The following KIAA1217 variants were observed in gnomAD, a reference collection of about 807,000 sequenced individuals.
The protein encoded by KIAA1217 is KIAA1217.
KIAA1217 carries 88 observed loss-of-function variants against 163.9 expected under a neutral mutation model. That is an observed-to-expected ratio of 0.54 (90% CI 0.45 to 0.64). The LOEUF (loss-of-function observed/expected upper bound fraction) is 0.64. KIAA1217 is among the 30% of genes least tolerant of loss of function. The probability of loss-of-function intolerance (pLI) is 0.00; values close to 1 mark genes in which losing one functional copy is unlikely to be tolerated. For synonymous variants in KIAA1217, 903 were observed against 923.1 expected (o/e 0.98, Z 0.39); for missense variants, 2,372 against 2,475.0 (o/e 0.96, Z 0.88).
At chr10:24,204,384 A>G (rs540503191), upstream of KIAA1217, among the ~76,000 whole-genome samples, 1 of 152,318 alleles carries the variant, frequency 6.6e-6, no homozygotes, top group African/African-American at 2.4e-5. Flanking sequence ...AATGTATTAT[A>G]CTATGGAATC....
intron 2 of KIAA1217, among the ~76,000 whole-genome samples, chr10:24,221,397 TC>T (rs2069632562): frequency 1.3e-5 from 2 of 152,134 alleles, no homozygotes; most frequent in South Asian, 4.1e-4. Context: ...GATATTGATT[TC>T]CACACAAGGG....
chr10:23,806,230 G>T (rs530893452), intron 1 of KIAA1217, among the ~76,000 whole-genome samples: 2 of 151,982 alleles, frequency 1.3e-5, no homozygotes, highest in African/African-American at 4.8e-5. Flanking sequence ...AGAATGTTCC[G>T]CCGTTGCTGA....
chr10:24,544,976 C>T lies in KIAA1217; in HGVS notation c.5212-5C>T, dbSNP rs192058079. The T allele has an allele frequency of 2.4e-3, 3,877 of 1,613,710 alleles. 17 individuals are homozygous for T. Among genetic ancestry groups the T allele is most frequent in the Non-Finnish European group, 2.9e-3 (3,470 of 1,179,736 alleles). Reference sequence around the variant, plus strand: ...TCTTCCCCCTCTCACTGGTCCTTCCCACAGGGCTCCAGCGGGGCCCCACAG... The same window carrying T: ...TCTTCCCCCTCTCACTGGTCCTTCCTACAGGGCTCCAGCGGGGCCCCACAG... On this transcript the variant is annotated splice_polypyrimidine_tract_variant and splice_region_variant and intron_variant, in intron 19 of 20. Transcript: ENST00000376454.
intron 2 of KIAA1217, among the ~76,000 whole-genome samples, chr10:24,278,887 C>G (rs1223749506): frequency 1.4e-5 from 2 of 144,282 alleles, no homozygotes; most frequent in Non-Finnish European, 3.0e-5. Flanking sequence ...GACAGAGTCT[C>G]ACTCTGTTGC....
In KIAA1217 at chr10:23,897,825, A is replaced by ATT. The variant is rs540561943; in HGVS notation, c.-320-109400_-320-109399insTT. On this transcript the variant is annotated intron_variant, in intron 1 of 18. Transcript: ENST00000376462. The stretch of plus-strand genomic sequence containing the variant: ...TTTATATAAAATGTAAATCTTCCTA[A>ATT]ATATAAAAAAGGATTTAAATGTCTA... 6.2e-3 allele frequency among the ~76,000 whole-genome samples: 937 copies of ATT among 152,250 alleles called. 11 individuals carry two copies. Among genetic ancestry groups the ATT allele is most frequent in the African/African-American group, 0.021 (883 of 41,572 alleles).
chr10:24,274,018 C>A (rs1018277633), intron 2 of KIAA1217, among the ~76,000 whole-genome samples: 1 of 152,062 alleles, frequency 6.6e-6, no homozygotes, highest in African/African-American at 2.4e-5. Flanking sequence ...TAGACGCATA[C>A]CTCAACCAAA....
At chr10:23,974,486 A>G (rs1845453128) in intron 1 of KIAA1217, among the ~76,000 whole-genome samples, 1 of 152,116 alleles carries the variant, frequency 6.6e-6, no homozygotes, top group Non-Finnish European at 1.5e-5. Flanking sequence ...AGGATGAAGT[A>G]AGATAACATG....
At chr10:23,857,322 T>C (rs536584443) in intron 1 of KIAA1217, among the ~76,000 whole-genome samples, 2 of 152,254 alleles carry the variant, frequency 1.3e-5, no homozygotes, top group African/African-American at 4.8e-5. Flanking sequence ...TCTTTTCAAA[T>C]AGTGCTGATA....
intron 2 of KIAA1217, among the ~76,000 whole-genome samples, chr10:24,350,916 C>T (rs146305572): frequency 5.4e-4 from 81 of 151,044 alleles, no homozygotes; most frequent in African/African-American, 1.9e-3. Flanking sequence ...TGTATTTCAA[C>T]AGTTTTTTTG....
chr10:24,238,576 C>A (rs1227351859), intron 2 of KIAA1217, among the ~76,000 whole-genome samples: 14 of 152,108 alleles, frequency 9.2e-5, no homozygotes. Context: ...CCTTTTCCTA[C>A]CACCTCTGCA....
At chr10:24,112,422 G>A (rs1196482474) in intron 2 of KIAA1217, among the ~76,000 whole-genome samples, 1 of 152,040 alleles carries the variant, frequency 6.6e-6, no homozygotes, top group East Asian at 1.9e-4. Context: ...TATATAGCCT[G>A]GTGTCGTGGA....
intron 3 of KIAA1217, among the ~76,000 whole-genome samples, chr10:24,411,122 T>C (rs72776754): frequency 0.021 from 3,129 of 152,322 alleles, 54 homozygotes; most frequent in Middle Eastern, 0.12. Flanking sequence ...CCAACTATAG[T>C]GTTTAAATGG....
intron 3 of KIAA1217, among the ~76,000 whole-genome samples, chr10:24,404,043 C>T (rs1349159225): frequency 1.3e-5 from 2 of 152,122 alleles, no homozygotes; most frequent in African/African-American, 4.8e-5. Flanking sequence ...CCATAGCCCC[C>T]ATCTCCCAGG....
intron 1 of KIAA1217, among the ~76,000 whole-genome samples, chr10:23,959,084 G>A (rs896100284): frequency 2.0e-5 from 3 of 151,850 alleles, no homozygotes; most frequent in Non-Finnish European, 4.4e-5. Flanking sequence ...ATGGAAAGAA[G>A]GAAAAGGTGA....
intron 1 of KIAA1217, among the ~76,000 whole-genome samples, chr10:23,878,888 A>C (rs1339477638): frequency 6.6e-6 from 1 of 151,862 alleles, no homozygotes; most frequent in African/African-American, 2.4e-5. Flanking sequence ...GTTGACTCCG[A>C]AGTTTTTGGC....
At chr10:24,076,348 T>C (rs2061368410) in intron 2 of KIAA1217, among the ~76,000 whole-genome samples, 1 of 152,222 alleles carries the variant, frequency 6.6e-6, no homozygotes, top group African/African-American at 2.4e-5. Context: ...AGCCTGGCAG[T>C]GTGGCTTTTT....
At position 23,878,240 on chromosome 10, in the gene KIAA1217, T is replaced by G. The variant is rs1432298096; in HGVS notation, c.-320-128985T>G. 3.3e-5 allele frequency among the ~76,000 whole-genome samples: 5 copies of G among 151,950 alleles called. No individual in the cohort carries two copies. The East Asian group carries it at 7.8e-4, about 24-fold the overall frequency. The stretch of plus-strand genomic sequence containing the variant: ...GAGCACATTCTTTATGGAGGCATAC[T>G]TCTGCACCAAAATGGATTTTTTAAA... On this transcript the variant is annotated intron_variant, in intron 1 of 18. Coordinates refer to the KIAA1217 transcript ENST00000376462.
At chr10:24,407,602 C>T (rs2057361843) in intron 3 of KIAA1217, among the ~76,000 whole-genome samples, 1 of 152,176 alleles carries the variant, frequency 6.6e-6, no homozygotes, top group Non-Finnish European at 1.5e-5. Context: ...CCCCCACGCC[C>T]AGCCAATAGC....
chr10:24,296,167 A>C (rs1381201955), intron 2 of KIAA1217, among the ~76,000 whole-genome samples: 1 of 152,034 alleles, frequency 6.6e-6, no homozygotes, highest in Non-Finnish European at 1.5e-5. Flanking sequence ...GCAGTGGCAC[A>C]ATCATTGCTC....
Sources: gnomAD v4.1 joint callset for allele counts (sites outside exome capture counted in the v4.1 genomes callset) on GRCh38, gnomAD v4.1.1 for gene constraint, MANE v1.5 for transcripts, NCBI Gene and HGNC (gene_info 2026-07-23, HGNC 2026-07-21) for gene names.